SYNPR: variants seen among roughly 807,000 people sequenced by gnomAD.
The protein encoded by SYNPR is synaptoporin.
Under a neutral mutation model 32.9 loss-of-function variants are expected in SYNPR, and 23 were observed. That is an observed-to-expected ratio of 0.70 (90% CI 0.50 to 0.99). The LOEUF (loss-of-function observed/expected upper bound fraction) is 0.99. Among genes scored for constraint, SYNPR ranks in the 50% least tolerant of loss-of-function variants. The pLI is 0.00. For synonymous variants in SYNPR, 146 were observed against 135.9 expected (o/e 1.07, Z -0.52); for missense variants, 318 against 349.3 (o/e 0.91, Z 0.71).
intron 4 of SYNPR, among the ~76,000 whole-genome samples, chr3:63,582,807 T>A (rs1238653810): frequency 1.3e-5 from 2 of 152,076 alleles, no homozygotes; most frequent in Admixed American, 6.6e-5. Context: ...TAACCCTGGA[T>A]AATTTACTAA....
At chr3:63,509,337 C>T (rs1233666796) in intron 3 of SYNPR, among the ~76,000 whole-genome samples, 1 of 150,162 alleles carries the variant, frequency 6.7e-6, no homozygotes, top group East Asian at 2.0e-4. Flanking sequence ...TATACATATT[C>T]TTATATATAT....
chr3:63,298,279 C>G (rs1049946671), intron 2 of SYNPR, among the ~76,000 whole-genome samples: 2 of 152,124 alleles, frequency 1.3e-5, no homozygotes, highest in Non-Finnish European at 2.9e-5. Flanking sequence ...TGTTGTAATT[C>G]TTGCAAAGGT....
rs755454479 is a variant in SYNPR, at chr3:63,545,893, A to G, written c.210-10650A>G. ...ACCTTCCTGTATGTTTCTAAATGTTATAAATATCTTTTAATCAAAGACTTT... is the reference window on the plus strand; with the variant it reads ...ACCTTCCTGTATGTTTCTAAATGTTGTAAATATCTTTTAATCAAAGACTTT... On this transcript the variant is annotated intron_variant, in intron 3 of 5. Transcript: ENST00000478300. Among the ~76,000 whole-genome samples the G allele has an allele frequency of 4.6e-4, 70 of 152,142 alleles. 1 individual carries two copies. Among genetic ancestry groups the G allele is most frequent in the Non-Finnish European group, 1.6e-4 (11 of 68,018 alleles).
intron 2 of SYNPR, among the ~76,000 whole-genome samples, chr3:63,326,097 A>G (rs2106975247): frequency 6.6e-6 from 1 of 152,010 alleles, no homozygotes; most frequent in African/African-American, 2.4e-5. Flanking sequence ...TAAAAGAAGA[A>G]ATTGGTTGAC....
intron 3 of SYNPR, among the ~76,000 whole-genome samples, chr3:63,268,903 C>T (rs925193310): frequency 3.9e-5 from 6 of 152,066 alleles, no homozygotes; most frequent in Non-Finnish European, 5.9e-5. Flanking sequence ...TTGCACTGTG[C>T]GAATGCTAGA....
At chr3:63,579,788 AACACAC>A (rs59802344) in intron 4 of SYNPR, among the ~76,000 whole-genome samples, 2,780 of 145,588 alleles carry the variant, frequency 0.019, 43 homozygotes, top group African/African-American at 0.039. Flanking sequence ...ATTTAACTAA[AACACAC>A]ACACACACAC....
intron 2 of SYNPR, among the ~76,000 whole-genome samples, chr3:63,369,310 T>C (rs2087767129): frequency 6.6e-6 from 1 of 152,140 alleles, no homozygotes; most frequent in Non-Finnish European, 1.5e-5. Flanking sequence ...AAAATAAAGT[T>C]CTGTTGTCAA....
intron 4 of SYNPR, among the ~76,000 whole-genome samples, chr3:63,576,683 C>A (rs539873377): frequency 6.6e-6 from 1 of 151,082 alleles, no homozygotes. Flanking sequence ...CCCAGCTACT[C>A]GGGAAGTTGA....
intron 4 of SYNPR, among the ~76,000 whole-genome samples, chr3:63,597,587 C>T (rs527284371): frequency 3.3e-5 from 5 of 152,234 alleles, no homozygotes; most frequent in East Asian, 3.9e-4. Flanking sequence ...GTTTATTGCT[C>T]GTTCCCACCA....
At chr3:63,230,834 T>C (rs1418686530) in intron 1 of SYNPR, among the ~76,000 whole-genome samples, 1 of 152,130 alleles carries the variant, frequency 6.6e-6, no homozygotes, top group African/African-American at 2.4e-5. Context: ...TATTGGGAGA[T>C]TGGCAAATTT....
chr3:63,458,608 T>A (rs1176655306), intron 2 of SYNPR, among the ~76,000 whole-genome samples: 1 of 152,120 alleles, frequency 6.6e-6, no homozygotes, highest in East Asian at 1.9e-4. Flanking sequence ...ACTTGCACAT[T>A]CTGTTGGTCA....
chr3:63,452,570 T>C (rs1384523607), intron 2 of SYNPR, among the ~76,000 whole-genome samples: 1 of 152,136 alleles, frequency 6.6e-6, no homozygotes, highest in Non-Finnish European at 1.5e-5. Context: ...AGATGACATT[T>C]ATGTAGCACT....
intron 3 of SYNPR, among the ~76,000 whole-genome samples, chr3:63,493,399 C>A (rs1222156865): frequency 6.6e-6 from 1 of 152,110 alleles, no homozygotes; most frequent in Non-Finnish European, 1.5e-5. Context: ...ATTCTTAATT[C>A]CCCTTCCAGT....
intron 4 of SYNPR, among the ~76,000 whole-genome samples, chr3:63,557,125 T>A (rs1237145756): frequency 6.6e-6 from 1 of 152,212 alleles, no homozygotes; most frequent in African/African-American, 2.4e-5. Context: ...TATATCTATC[T>A]ATCTATGTCT....
At chr3:63,397,267 T>C (rs373019001) in intron 2 of SYNPR, among the ~76,000 whole-genome samples, 1 of 152,184 alleles carries the variant, frequency 6.6e-6, no homozygotes, top group Admixed American at 6.5e-5. Flanking sequence ...ACCACCTAAC[T>C]TGTCTTCAGA....
chr3:63,261,094 A>G (rs1444903637), intron 2 of SYNPR, among the ~76,000 whole-genome samples: 1 of 152,142 alleles, frequency 6.6e-6, no homozygotes, highest in Non-Finnish European at 1.5e-5. Context: ...GTGGAGAAAT[A>G]GGAACACTTT....
At chr3:63,309,069 G>C (rs1320120202) in intron 2 of SYNPR, among the ~76,000 whole-genome samples, 1 of 151,844 alleles carries the variant, frequency 6.6e-6, no homozygotes, top group African/African-American at 2.4e-5. Flanking sequence ...ATTTTGGATA[G>C]TTTCCTTTGC....
At chr3:63,573,637 C>G (rs9871900) in intron 4 of SYNPR, among the ~76,000 whole-genome samples, 1 of 152,150 alleles carries the variant, frequency 6.6e-6, no homozygotes, top group African/African-American at 2.4e-5. Flanking sequence ...CAAAGTCACA[C>G]AGTTGGTTCA....
Position 63,405,909 on chromosome 3 carries a change from G to T in SYNPR, c.85-74923G>T, listed in dbSNP as rs150226688. 5.2e-3 allele frequency among the ~76,000 whole-genome samples: 787 copies of T among 152,250 alleles called. 7 individuals carry two copies. Among genetic ancestry groups the T allele is most frequent in the African/African-American group, 0.017 (706 of 41,554 alleles). On this transcript the variant is annotated intron_variant, in intron 2 of 5. Transcript: ENST00000478300. The stretch of plus-strand genomic sequence containing the variant: ...TAACAATGGTGCAAATAATAGCACT[G>T]GTTGGACATTTTCTCTATGATAGAC...
Sources: allele counts gnomAD v4.1 joint callset (sites outside exome capture counted in the v4.1 genomes callset), GRCh38; gene constraint gnomAD v4.1.1; transcripts MANE v1.5; gene names NCBI Gene and HGNC (gene_info 2026-07-23, HGNC 2026-07-21).